The following FANCL variants were observed in gnomAD, a reference collection of about 807,000 sequenced individuals.
FANCL encodes FA complementation group L, also known as E3 ubiquitin-protein ligase FANCL.
Under a neutral mutation model 59.4 loss-of-function variants are expected in FANCL, and 69 were observed. The observed-to-expected ratio is 1.16, with a 90% confidence interval of 0.96 to 1.42. FANCL has a LOEUF of 1.42. Among genes scored for constraint, FANCL ranks in the 40% most tolerant of loss-of-function variants. FANCL has a pLI of 0.00. For synonymous variants in FANCL, 180 were observed against 147.1 expected, an observed-to-expected ratio of 1.22 and a Z score of -1.62; for missense variants, 519 against 447.2, an observed-to-expected ratio of 1.16 and a Z score of -1.45.
At chr2:58,226,574 C>T (rs559449415) in intron 4 of FANCL, among the ~76,000 whole-genome samples, 154 bp downstream of exon 4, 6 of 152,092 alleles carry the variant, frequency 3.9e-5, no homozygotes, top group Admixed American at 2.0e-4. Flanking sequence ...TCAAGAAATG[C>T]GTCATCTATA....
intron 5 of FANCL, among the ~76,000 whole-genome samples, chr2:58,209,664 G>A (rs1020643587): frequency 3.9e-5 from 6 of 152,070 alleles, no homozygotes; most frequent in Non-Finnish European, 7.4e-5. Context: ...CACATAACAT[G>A]CCTCTTTGAA....
chr2:58,198,754 G>A (rs1471257485), intron 6 of FANCL, 92 bp from the exon 7 acceptor site: 12 of 993,734 alleles, frequency 1.2e-5, no homozygotes, highest in Non-Finnish European at 1.9e-5. Context: ...TAGGGGCCGG[G>A]CGCGGTGGCT....
chr2:58,206,926 C>T (rs929423207), intron 5 of FANCL, among the ~76,000 whole-genome samples: 2 of 152,122 alleles, frequency 1.3e-5, no homozygotes, highest in African/African-American at 4.8e-5. Context: ...TGAGTATATG[C>T]GACCTTGATT....
At chr2:58,231,779 G>T (rs1333225053) in intron 2 of FANCL, among the ~76,000 whole-genome samples, 1 of 152,076 alleles carries the variant, frequency 6.6e-6, no homozygotes, top group Non-Finnish European at 1.5e-5. Context: ...TTATATACCT[G>T]TTCAGTATTT....
intron 7 of FANCL, among the ~76,000 whole-genome samples, chr2:58,166,483 C>A (rs1231501835): frequency 6.6e-6 from 1 of 151,984 alleles, no homozygotes; most frequent in African/African-American, 2.4e-5. Flanking sequence ...TATATTAATC[C>A]CTTTATAGGA....
intron 1 of FANCL, among the ~76,000 whole-genome samples, chr2:58,238,301 T>C (rs1694207587): frequency 1.3e-5 from 2 of 152,184 alleles, no homozygotes; most frequent in South Asian, 4.1e-4. Flanking sequence ...GGCAAATATC[T>C]TGATTGCAAG....
intron 1 of FANCL, among the ~76,000 whole-genome samples, chr2:58,241,007 C>T (rs536836570): frequency 3.9e-5 from 6 of 152,354 alleles, no homozygotes; most frequent in African/African-American, 1.4e-4. Context: ...CCACGCCGCG[C>T]GCCTCCTCGC....
At chr2:58,174,253 C>T (rs1276311477) in intron 7 of FANCL, among the ~76,000 whole-genome samples, 5 of 152,052 alleles carry the variant, frequency 3.3e-5, no homozygotes, top group African/African-American at 7.2e-5. Flanking sequence ...AACAAGGATA[C>T]CCAGGAATTG....
chr2:58,227,675 G>A (rs1693158037), intron 3 of FANCL, among the ~76,000 whole-genome samples: 1 of 152,196 alleles, frequency 6.6e-6, no homozygotes, highest in Non-Finnish European at 1.5e-5. Flanking sequence ...GTGTGTGTGT[G>A]TGCCTGCTAG....
chr2:58,188,521 T>G (rs1456316887), intron 7 of FANCL, among the ~76,000 whole-genome samples: 1 of 151,958 alleles, frequency 6.6e-6, no homozygotes, highest in Non-Finnish European at 1.5e-5. Context: ...CACTGCAACC[T>G]TGAGCTCCTG....
intron 11 of FANCL, 124 bp downstream of exon 11, chr2:58,162,742 C>A: frequency 1.2e-6 from 1 of 849,516 alleles, no homozygotes; most frequent in South Asian, 1.5e-5. Context: ...TGATGCAGAT[C>A]AGAAGTCTGT....
intron 7 of FANCL, among the ~76,000 whole-genome samples, chr2:58,169,785 A>T (rs1686361172): frequency 1.3e-5 from 2 of 152,184 alleles, no homozygotes; most frequent in South Asian, 4.1e-4. Context: ...GAATCAATCA[A>T]GCGGAAGAAA....
At chr2:58,174,653 A>G (rs756168321) in intron 7 of FANCL, among the ~76,000 whole-genome samples, 4 of 152,182 alleles carry the variant, frequency 2.6e-5, no homozygotes. Context: ...GTAGAGGGAA[A>G]TTTATAGCAC....
At chr2:58,217,236 A>G (rs1224159845) in intron 5 of FANCL, among the ~76,000 whole-genome samples, 1 of 122,128 alleles carries the variant, frequency 8.2e-6, no homozygotes, top group Non-Finnish European at 1.7e-5. Context: ...ACACACACAC[A>G]CACACACATA....
At chr2:58,228,328 G>A (rs964009781) in intron 3 of FANCL, among the ~76,000 whole-genome samples, 2 of 152,154 alleles carry the variant, frequency 1.3e-5, no homozygotes, top group Non-Finnish European at 2.9e-5. Flanking sequence ...TTTCAACAAT[G>A]CATGAACACA....
At chr2:58,227,927 AAG>A (rs2103855497) in intron 3 of FANCL, among the ~76,000 whole-genome samples, 1 of 151,536 alleles carries the variant, frequency 6.6e-6, no homozygotes, top group Non-Finnish European at 1.5e-5. Context: ...GAGGAGGAGG[AAG>A]AGAAAAAAAA....
chr2:58,165,273 T>C (rs1386290384), intron 8 of FANCL, among the ~76,000 whole-genome samples: 5 of 152,196 alleles, frequency 3.3e-5, no homozygotes, highest in African/African-American at 1.2e-4. Context: ...GCTTTCTGTT[T>C]ACTCTTCAGT....
In FANCL at chr2:58,232,002, C is replaced by T. The variant is rs374960998; in HGVS notation, c.155+52G>A. 3.5e-4 allele frequency: 500 copies of T among 1,449,042 alleles called. 1 individual carries two copies. Among genetic ancestry groups the T allele is most frequent in the Non-Finnish European group, 4.7e-4 (482 of 1,030,904 alleles). 89.8% of individuals were successfully genotyped at this position (1,449,042 alleles called of 1,614,324 possible). A position where few individuals can be genotyped will look rare whatever the true frequency, so the allele number is the denominator to read the frequency against. On this transcript the variant is annotated intron_variant, in intron 2 of 13. Transcript: ENST00000233741. ...GAATCAATTTATACCAAATGTACTGCCTGTCCCACCAAAATGCAAAAATGC... is the reference window on the plus strand; with the variant it reads ...GAATCAATTTATACCAAATGTACTGTCTGTCCCACCAAAATGCAAAAATGC...
At chr2:58,203,939 T>C (rs1325172338) in intron 6 of FANCL, among the ~76,000 whole-genome samples, 191 bp downstream of exon 6, 1 of 152,068 alleles carries the variant, frequency 6.6e-6, no homozygotes, top group Non-Finnish European at 1.5e-5. Flanking sequence ...TGGACTAAAA[T>C]ATGACATAAA....
Sources: gnomAD v4.1 joint callset for allele counts (sites outside exome capture counted in the v4.1 genomes callset) on GRCh38, gnomAD v4.1.1 for gene constraint, MANE v1.5 for transcripts, NCBI Gene and HGNC (gene_info 2026-07-23, HGNC 2026-07-21) for gene names.